Variants in FLT3 observed in about 807,000 individuals in gnomAD.
The protein encoded by FLT3 is fms related receptor tyrosine kinase 3.
In FLT3, 46 loss-of-function variants were observed where a neutral mutation model predicts 126.6. The ratio of observed to expected loss-of-function variants is 0.36; its 90% confidence interval spans 0.29 to 0.46. The LOEUF (loss-of-function observed/expected upper bound fraction) is 0.46. Ranked by LOEUF, FLT3 falls within the 20% of genes least tolerant of loss-of-function variation. The pLI is 1.00. For synonymous variants in FLT3, 404 were observed against 434.4 expected (o/e 0.93, Z 0.87); for missense variants, 1,069 against 1,190.3 (o/e 0.90, Z 1.50).
Position 28,062,479 on chromosome 13 carries a change from A to G in FLT3, c.166-410T>C, listed in dbSNP as rs188367077. On this transcript the variant is annotated intron_variant, in intron 2 of 23. Transcript: ENST00000241453. ...AAGAGGAGGCAGGGCACGGTGGCTC[A>G]CACCTGCAATCCTAGCACTTTGGGA... is the stretch of plus-strand genomic sequence containing the variant. 7.3e-3 allele frequency among the ~76,000 whole-genome samples: 1,117 copies of G among 152,250 alleles called. 5 individuals are homozygous for G. The highest frequency in any genetic ancestry group is 0.013 in the Non-Finnish European group (853 of 68,010).
At chr13:28,042,107 T>C (rs1395078606) in intron 9 of FLT3, among the ~76,000 whole-genome samples, 2 of 149,756 alleles carry the variant, frequency 1.3e-5, no homozygotes, top group Admixed American at 6.7e-5. Flanking sequence ...GATCGCACCA[T>C]TGCACTCCAG....
At chr13:28,045,209 G>A (rs1469528596) in intron 9 of FLT3, among the ~76,000 whole-genome samples, 2 of 152,096 alleles carry the variant, frequency 1.3e-5, no homozygotes, top group South Asian at 2.1e-4. Context: ...CCCAACTGGC[G>A]ATTCTGTAAA....
chr13:28,014,537 C>T lies in FLT3; in HGVS notation c.2774G>A (p.Cys925Tyr), dbSNP rs1361689773. ...TEEIYIIMQS[C>Y]WAFDSRKRPS... ...CCGTTTCCTTGAGTCAAAAGCCCAG[C>T]AGGATTGCATTATAATGTATCTGTA... Residue 925 changes from cysteine (C) to tyrosine (Y), a missense_variant, in exon 23 of 24, where the codon TGC becomes TAC. By Grantham distance (194) the Cys-to-Tyr change is radical. Coordinates refer to ENST00000241453, the MANE Select transcript of FLT3 (RefSeq NM_004119.3). The T allele has an allele frequency of 6.2e-7, 1 of 1,613,428 alleles. No individual in the cohort carries two copies.
intron 1 of FLT3, among the ~76,000 whole-genome samples, chr13:28,075,203 A>C (rs1391382959): frequency 6.6e-6 from 1 of 152,172 alleles, no homozygotes; most frequent in African/African-American, 2.4e-5. Flanking sequence ...CATATACATC[A>C]TTGTGGTTTT....
intron 1 of FLT3, among the ~76,000 whole-genome samples, chr13:28,082,062 C>A (rs1252361543): frequency 1.3e-5 from 2 of 151,642 alleles, no homozygotes; most frequent in Non-Finnish European, 2.9e-5. Flanking sequence ...CGCCATGTTG[C>A]CCAGGTTGGT....
chr13:28,046,714 G>C (rs115634130), intron 9 of FLT3, among the ~76,000 whole-genome samples: 2,023 of 151,948 alleles, frequency 0.013, 53 homozygotes, highest in African/African-American at 0.045. Flanking sequence ...TCCAACCTCA[G>C]CCTCCCAAGT....
At chr13:28,081,844 CTTTTTTT>C (rs35243277) in intron 1 of FLT3, among the ~76,000 whole-genome samples, 9 of 64,988 alleles carry the variant, frequency 1.4e-4, no homozygotes, top group African/African-American at 5.6e-4. Flanking sequence ...TACTTTGATT[CTTTTTTT>C]TTTTTTTTTT....
chr13:28,010,759 C>G (rs1021278647), intron 23 of FLT3, among the ~76,000 whole-genome samples: 1 of 152,236 alleles, frequency 6.6e-6, no homozygotes, highest in African/African-American at 2.4e-5. Context: ...GTAATCCCCC[C>G]ACCTTGGGAG....
chr13:28,051,069 GAGTA>G (rs1875411714), intron 5 of FLT3, among the ~76,000 whole-genome samples: 1 of 152,178 alleles, frequency 6.6e-6, no homozygotes, highest in Middle Eastern at 3.2e-3. Context: ...GAGGCACAGA[GAGTA>G]AGTAACTTGT....
chr13:28,069,609 G>A (rs372764951), intron 2 of FLT3, among the ~76,000 whole-genome samples: 1 of 152,194 alleles, frequency 6.6e-6, no homozygotes, highest in East Asian at 1.9e-4. Context: ...TGTAACCATG[G>A]GTTCCGCATC....
At chr13:28,068,537 T>C (rs1384184103) in intron 2 of FLT3, among the ~76,000 whole-genome samples, 2 of 151,756 alleles carry the variant, frequency 1.3e-5, no homozygotes, top group African/African-American at 2.4e-5. Flanking sequence ...ATATCATATA[T>C]ATATATGAGA....
At chr13:28,080,888 T>A (rs1878262650) in intron 1 of FLT3, among the ~76,000 whole-genome samples, 1 of 152,238 alleles carries the variant, frequency 6.6e-6, no homozygotes, top group African/African-American at 2.4e-5. Flanking sequence ...GTTGAAAGAC[T>A]GATTTCTCCA....
At chr13:28,082,216 T>C (rs1395652622) in intron 1 of FLT3, among the ~76,000 whole-genome samples, 2 of 152,082 alleles carry the variant, frequency 1.3e-5, no homozygotes, top group African/African-American at 4.8e-5. Context: ...AGAGGCATTA[T>C]CATAGCTCAC....
At chr13:28,008,535 A>C (rs1194119704) in intron 23 of FLT3, among the ~76,000 whole-genome samples, 1 of 152,068 alleles carries the variant, frequency 6.6e-6, no homozygotes, top group Non-Finnish European at 1.5e-5. Flanking sequence ...GCTGGAGTGC[A>C]ATGGTGCAGT....
chr13:28,066,128 A>G (rs1877013132), intron 2 of FLT3, among the ~76,000 whole-genome samples: 1 of 152,264 alleles, frequency 6.6e-6, no homozygotes, highest in Non-Finnish European at 1.5e-5. Flanking sequence ...TGGGAAAGAA[A>G]GGAACTAACC....
chr13:28,079,019 T>C (rs1365453668), intron 1 of FLT3, among the ~76,000 whole-genome samples: 1 of 152,170 alleles, frequency 6.6e-6, no homozygotes, highest in Non-Finnish European at 1.5e-5. Context: ...GCCTGGGTTT[T>C]TCTTTTCTAT....
At position 28,012,417 on chromosome 13, in the gene FLT3, T is replaced by G. The variant is rs1177251650; in HGVS notation, c.2859+2035A>C. On this transcript the variant is annotated intron_variant, in intron 23 of 23. Transcript: ENST00000241453. ...CATCCTGGCGACACGAGCTTTGCACTTTTTTTTCCCTCTCTACTCCCCCAT... is the reference window on the plus strand; with the variant it reads ...CATCCTGGCGACACGAGCTTTGCACGTTTTTTTCCCTCTCTACTCCCCCAT... 2.0e-5 allele frequency among the ~76,000 whole-genome samples: 3 copies of G among 151,758 alleles called. No individual in the cohort carries two copies. The East Asian group carries it at 5.8e-4, about 29-fold the overall frequency.
chr13:28,012,380 T>C (rs898919324), intron 23 of FLT3, among the ~76,000 whole-genome samples: 2 of 152,130 alleles, frequency 1.3e-5, no homozygotes, highest in Non-Finnish European at 1.5e-5. Flanking sequence ...ACCCAAGTGG[T>C]CCTGAAGCCT....
chr13:28,015,834 C>A, intron 20 of FLT3, 133 bp from the exon 21 acceptor site: 1 of 629,498 alleles, frequency 1.6e-6, no homozygotes, highest in Non-Finnish European at 2.8e-6. Context: ...AATCACATTC[C>A]TCACGTGAAA....
Sources: allele counts gnomAD v4.1 joint callset (sites outside exome capture counted in the v4.1 genomes callset), GRCh38; gene constraint gnomAD v4.1.1; transcripts MANE v1.5; gene names NCBI Gene and HGNC (gene_info 2026-07-23, HGNC 2026-07-21).